Variants in INTS7 observed in about 807,000 individuals in gnomAD.
INTS7 encodes integrator complex subunit 7.
A neutral mutation model predicts 109.2 loss-of-function variants in INTS7; 46 were observed. The ratio of observed to expected loss-of-function variants is 0.42; its 90% confidence interval spans 0.33 to 0.54. INTS7 has a LOEUF of 0.54. INTS7 is among the 20% of genes least tolerant of loss of function. INTS7 has a pLI of 0.07. For missense variants in INTS7, 929 were observed against 1,132.4 expected (o/e 0.82, Z 2.58); for synonymous variants, 412 against 402.9 (o/e 1.02, Z -0.27).
At chr1:211,953,444 C>CA (rs1177690947) in intron 16 of INTS7, among the ~76,000 whole-genome samples, 1 of 151,632 alleles carries the variant, frequency 6.6e-6, no homozygotes, top group Non-Finnish European at 1.5e-5. Context: ...TACATGTGCA[C>CA]AATGTGCAGG....
rs1418307517 is a variant in INTS7, at chr1:211,954,320, C to T, written c.2184-1619G>A. Reference sequence around the variant, plus strand: ...AGCCCTTTGTCAGATGAGTAGGTTGCGAAAATTTTCTCCCATTCTGTAGGT... The same window carrying T: ...AGCCCTTTGTCAGATGAGTAGGTTGTGAAAATTTTCTCCCATTCTGTAGGT... On this transcript the variant is annotated intron_variant, in intron 16 of 19. Coordinates refer to ENST00000366994, the MANE Select transcript of INTS7 (RefSeq NM_015434.4). Among the ~76,000 whole-genome samples the T allele has an allele frequency of 3.3e-4, 50 of 152,142 alleles. No homozygotes were observed. The South Asian group carries it at 4.4e-3, about 13-fold the overall frequency.
At position 211,942,065 on chromosome 1, in the gene INTS7, G is replaced by A. The variant is rs1326813226; in HGVS notation, c.2648C>T (p.Pro883Leu). 1.2e-6 allele frequency: 2 copies of A among 1,614,158 alleles called. No individual in the cohort carries two copies. Among genetic ancestry groups the A allele is most frequent in the South Asian group, 2.2e-5 (2 of 91,080 alleles). Residue 883 changes from proline to leucine, a missense_variant, in exon 20 of 20, where the codon CCT becomes CTT. This residue lies in a region of INTS7 where 787 missense variants were observed against 901.1 expected (regional missense o/e 0.87). Coordinates refer to ENST00000366994, the MANE Select transcript of INTS7 (RefSeq NM_015434.4). This position sits in a 1 kb window ranked among gnomAD's most constrained non-coding sequence, Gnocchi z 4.2. ...TTGAGTACTGAAGTAATCATTATGA[G>A]GTTCAACCCTTTGCTCCATCTCATT... ...MTNEMEQRVEPHNDYFSTQFL... is the reference protein window; with the variant it reads ...MTNEMEQRVELHNDYFSTQFL...
intron 16 of INTS7, among the ~76,000 whole-genome samples, chr1:211,960,849 C>T (rs1448351338): frequency 6.6e-6 from 1 of 151,858 alleles, no homozygotes; most frequent in African/African-American, 2.4e-5. Context: ...CCCGTCTTTA[C>T]TAAAAATAAA....
At chr1:211,954,537 AT>A (rs1292475322) in intron 16 of INTS7, among the ~76,000 whole-genome samples, 2 of 152,294 alleles carry the variant, frequency 1.3e-5, no homozygotes, top group Non-Finnish European at 1.5e-5. Flanking sequence ...TAGGTCAAAC[AT>A]GTAAGTCTTT....
intron 16 of INTS7, among the ~76,000 whole-genome samples, chr1:211,960,893 T>C (rs1663594892): frequency 6.6e-6 from 1 of 152,032 alleles, no homozygotes; most frequent in Non-Finnish European, 1.5e-5. Flanking sequence ...TGCATGCCTG[T>C]AATTCCAGCT....
intron 1 of INTS7, among the ~76,000 whole-genome samples, chr1:212,026,642 A>G (rs938302625): frequency 1.3e-5 from 2 of 152,200 alleles, no homozygotes; most frequent in African/African-American, 2.4e-5. Context: ...GGGGAAAGAC[A>G]TAGCTGAGGA....
intron 17 of INTS7, among the ~76,000 whole-genome samples, chr1:211,948,743 T>C (rs1174491189): frequency 1.3e-5 from 2 of 152,266 alleles, no homozygotes. Context: ...AGTCTCTCTC[T>C]GTTGCCCAAG....
chr1:211,996,958 A>G (rs1665422673), intron 7 of INTS7, among the ~76,000 whole-genome samples: 1 of 152,178 alleles, frequency 6.6e-6, no homozygotes, highest in African/African-American at 2.4e-5. Flanking sequence ...TGGGGGGTCA[A>G]GACTGCAAAG....
chr1:212,011,661 A>G, intron 4 of INTS7: 3 of 430,232 alleles, frequency 7.0e-6, no homozygotes, highest in Non-Finnish European at 1.3e-5. Flanking sequence ...GGCCATTACC[A>G]CAATACAGTG....
At chr1:211,964,063 G>A (rs115645690) in intron 16 of INTS7, among the ~76,000 whole-genome samples, 2,011 of 152,242 alleles carry the variant, frequency 0.013, 46 homozygotes, top group African/African-American at 0.046. Context: ...ATCCCTGTGT[G>A]CAGACATGAT....
At chr1:211,976,532 A>G in intron 12 of INTS7, 50 bp downstream of exon 12, 1 of 1,525,966 alleles carries the variant, frequency 6.6e-7, no homozygotes, top group Non-Finnish European at 9.0e-7. Context: ...TTGAAGATAC[A>G]TGATCTGACA....
intron 7 of INTS7, among the ~76,000 whole-genome samples, chr1:211,997,101 G>A (rs920265673): frequency 6.6e-6 from 1 of 152,052 alleles, no homozygotes; most frequent in African/African-American, 2.4e-5. Flanking sequence ...AGTGTATAGT[G>A]CTTGGGTCAT....
At chr1:211,975,480 A>G in intron 12 of INTS7, 108 bp from the exon 13 acceptor site, 1 of 736,124 alleles carries the variant, frequency 1.4e-6, no homozygotes, top group Admixed American at 2.5e-5. Flanking sequence ...AACCTTGGAT[A>G]AGTCTGAACA....
intron 19 of INTS7, among the ~76,000 whole-genome samples, chr1:211,944,137 T>A (rs1372444659): frequency 2.6e-5 from 4 of 152,198 alleles, no homozygotes; most frequent in Non-Finnish European, 1.5e-5. Flanking sequence ...ATACTTTTTT[T>A]AATGATAAAA....
intron 15 of INTS7, 85 bp from the exon 16 acceptor site, chr1:211,966,583 T>A: frequency 1.2e-6 from 1 of 800,910 alleles, no homozygotes; most frequent in Non-Finnish European, 2.1e-6. Context: ...TTGGTCAAGA[T>A]TTAATGATTG....
intron 18 of INTS7, 112 bp from the exon 19 acceptor site, chr1:211,945,081 C>G (rs1662794603): frequency 4.3e-6 from 4 of 933,066 alleles, no homozygotes; most frequent in Non-Finnish European, 6.5e-6. Flanking sequence ...TGTGCACTCC[C>G]CCACCCCCAC....
At chr1:211,983,803 C>G (rs1455969069) in intron 8 of INTS7, among the ~76,000 whole-genome samples, 2 of 151,836 alleles carry the variant, frequency 1.3e-5, no homozygotes, top group Non-Finnish European at 2.9e-5. Flanking sequence ...TAATATAATA[C>G]AAGTTTAAGA....
Position 211,968,542 on chromosome 1 carries a change from G to A in INTS7, c.1981C>T (p.Leu661Phe), listed in dbSNP as rs1010578582. Residue 661 changes from leucine (L) to phenylalanine (F), a missense_variant, in exon 14 of 20, where the codon CTC becomes TTC. Leu to Phe is a conservative substitution (Grantham distance 22). Transcript: ENST00000366994. Reference sequence around the variant, plus strand: ...TTGGAGATGCGACCACACCTCTGGAGGTCATTTCCTAAGGTCATGGCAATT... The same window carrying A: ...TTGGAGATGCGACCACACCTCTGGAAGTCATTTCCTAAGGTCATGGCAATT... ...TTIAMTLGND[L>F]QRCGRISNQM... is the part of the protein sequence containing the mutation. 1 of 1,613,964 alleles carries A rather than the reference G, an allele frequency of 6.2e-7. No individual in the cohort carries two copies. Among genetic ancestry groups the A allele is most frequent in the Middle Eastern group, 1.6e-4 (1 of 6,062 alleles).
chr1:212,000,819 ACC>A (rs1201086479), intron 7 of INTS7, among the ~76,000 whole-genome samples: 1 of 152,142 alleles, frequency 6.6e-6, no homozygotes, highest in Admixed American at 6.6e-5. Context: ...CTACTCATTC[ACC>A]TACATTAGGC....
Sources: allele counts gnomAD v4.1 joint callset (sites outside exome capture counted in the v4.1 genomes callset), GRCh38; gene constraint gnomAD v4.1.1; regional missense constraint gnomAD v4.1.1; non-coding constraint Gnocchi (gnomAD v3.1); transcripts MANE v1.5; gene names NCBI Gene and HGNC (gene_info 2026-07-23, HGNC 2026-07-21).